Variants in HSPH1 observed in about 807,000 individuals in gnomAD.
HSPH1 encodes the protein heat shock protein family H (Hsp110) member 1.
In HSPH1, 40 loss-of-function variants were observed where a neutral mutation model predicts 100.0. The ratio of observed to expected loss-of-function variants is 0.40; its 90% CI spans 0.31 to 0.52. The LOEUF is 0.52. Among genes scored for constraint, HSPH1 ranks in the 20% least tolerant of loss-of-function variants. HSPH1 has a pLI of 0.54. For synonymous variants in HSPH1, 403 were observed against 344.0 expected (o/e 1.17, Z -1.90); for missense variants, 876 against 1,015.1 (o/e 0.86, Z 1.86).
rs866818066 is a variant in HSPH1 at position 31,149,947 on chromosome 13, A to G, written c.1137+7T>C. ...TACACCAAGCAAAAGCAGAGTTGAG[A>G]AAGTACCTGTAATGCACATCCTCTG... On this transcript the variant is annotated splice_region_variant and intron_variant, in intron 8 of 17. Coordinates refer to ENST00000320027, the MANE Select transcript of HSPH1 (RefSeq NM_006644.4). The G allele has an allele frequency of 2.5e-6, 4 of 1,608,446 alleles. No homozygotes were observed. The highest frequency in any genetic ancestry group is 1.7e-5 in the Admixed American group (1 of 59,930).
chr13:31,156,207 G>A (rs1314448356), intron 2 of HSPH1, among the ~76,000 whole-genome samples: 5 of 152,124 alleles, frequency 3.3e-5, no homozygotes, highest in South Asian at 2.1e-4. Context: ...TGGCTAACAC[G>A]GTGAAACCCC....
chr13:31,155,752 A>T, intron 2 of HSPH1, 98 bp from the exon 3 acceptor site: 1 of 992,402 alleles, frequency 1.0e-6, no homozygotes, highest in Non-Finnish European at 1.5e-6. Context: ...ACTCAAACCA[A>T]TCCTATGAGT....
intron 2 of HSPH1, among the ~76,000 whole-genome samples, chr13:31,155,881 C>A (rs757515399): frequency 6.6e-6 from 1 of 152,176 alleles, no homozygotes; most frequent in Non-Finnish European, 1.5e-5. Flanking sequence ...CAAGAGGGAA[C>A]AAGAGGCAAA....
chr13:31,149,088 A>C (rs1200879176), intron 8 of HSPH1, among the ~76,000 whole-genome samples: 3 of 152,170 alleles, frequency 2.0e-5, no homozygotes, highest in Non-Finnish European at 4.4e-5. Flanking sequence ...AGAGGCCAAA[A>C]TTAGCTCTAC....
chr13:31,142,984 T>C (rs776430073), intron 12 of HSPH1, among the ~76,000 whole-genome samples: 1 of 151,968 alleles, frequency 6.6e-6, no homozygotes, highest in Non-Finnish European at 1.5e-5. Context: ...GACAGAAAAA[T>C]TAAAAACTGG....
In HSPH1 at chr13:31,140,180, A is replaced by T. The variant is rs930331585; in HGVS notation, c.1980+4T>A. On this transcript the variant is annotated splice_donor_region_variant and intron_variant, in intron 14 of 17. Coordinates refer to ENST00000320027, the MANE Select transcript of HSPH1 (RefSeq NM_006644.4). Reference sequence around the variant, plus strand: ...CTGAACAAAAACAGAGCTCTAAGACATACCTGCTCACATATAAATTTTTCA... The same window carrying T: ...CTGAACAAAAACAGAGCTCTAAGACTTACCTGCTCACATATAAATTTTTCA... The T allele has an allele frequency of 6.2e-7, 1 of 1,609,702 alleles. No homozygotes were observed. Among genetic ancestry groups the T allele is most frequent in the African/African-American group, 1.3e-5 (1 of 74,900 alleles).
intron 13 of HSPH1, chr13:31,140,716 T>C (rs1956058035): frequency 5.8e-6 from 1 of 171,714 alleles, no homozygotes; most frequent in South Asian, 1.9e-4. Flanking sequence ...AGTTTATTGT[T>C]AAATAAACTC....
Position 31,155,754 on chromosome 13 carries a change from C to T in HSPH1, c.166-100G>A, listed in dbSNP as rs978014154. The stretch of plus-strand genomic sequence containing the variant: ...TATTCACTTTACAACTCAAACCAAT[C>T]CTATGAGTGCACATAAGTTGCCCTG... On this transcript the variant is annotated intron_variant, in intron 2 of 17. Transcript: ENST00000320027. The T allele has an allele frequency of 9.6e-6, 9 of 936,936 alleles. No homozygotes were observed. The South Asian group carries it at 1.3e-4, about 13-fold the overall frequency. The allele number at this position is 936,936 out of a possible 1,614,324, so 58.0% of individuals were successfully genotyped here.
chr13:31,144,521 T>C (rs140521497), intron 11 of HSPH1, among the ~76,000 whole-genome samples: 170 of 152,258 alleles, frequency 1.1e-3, no homozygotes, highest in Non-Finnish European at 1.9e-3. Context: ...TAATTAAAAA[T>C]TTGGTAAAGA....
At chr13:31,155,005 GC>G in intron 3 of HSPH1, among the ~76,000 whole-genome samples, 1 of 152,124 alleles carries the variant, frequency 6.6e-6, no homozygotes, top group East Asian at 1.9e-4. Context: ...GCGGAAGAAA[GC>G]TAGGGCAGAT....
chr13:31,148,501 T>C (rs1459777126), intron 8 of HSPH1, 21 bp from the exon 9 acceptor site: 2 of 789,332 alleles, frequency 2.5e-6, no homozygotes, highest in South Asian at 2.1e-5. Flanking sequence ...AAAAAAAAAA[T>C]CATGAGCACA....
intron 12 of HSPH1, 151 bp downstream of exon 12, chr13:31,143,641 T>C (rs1279913464): frequency 3.0e-6 from 2 of 660,358 alleles, no homozygotes; most frequent in Non-Finnish European, 2.4e-6. Context: ...TAACTGGTTT[T>C]AGTTGAAAAA....
At position 31,144,494 on chromosome 13, in the gene HSPH1, C is replaced by G. The variant is rs7981866; in HGVS notation, c.1585-571G>C. On this transcript the variant is annotated intron_variant, in intron 11 of 17. Transcript: ENST00000320027. ...AAGATCTCAGAGTAAAGAATAAATGCTACACATTAACAATCCTAATTAAAA... is the reference window on the plus strand; with the variant it reads ...AAGATCTCAGAGTAAAGAATAAATGGTACACATTAACAATCCTAATTAAAA... Among the ~76,000 whole-genome samples, 837 of 152,240 alleles carry G rather than the reference C, an allele frequency of 5.5e-3. 6 individuals carry two copies. The highest frequency in any genetic ancestry group is 0.018 in the African/African-American group (767 of 41,540).
At chr13:31,138,133 T>C (rs1955953398) in intron 17 of HSPH1, among the ~76,000 whole-genome samples, 1 of 152,140 alleles carries the variant, frequency 6.6e-6, no homozygotes, top group South Asian at 2.1e-4. Flanking sequence ...GACTACACTT[T>C]GCACACTTGT....
At chr13:31,151,795 T>C in intron 5 of HSPH1, 53 bp from the exon 6 acceptor site, 1 of 1,494,510 alleles carries the variant, frequency 6.7e-7, no homozygotes, top group Non-Finnish European at 9.1e-7. Context: ...CTTAGGAATC[T>C]CACTGTTACA....
intron 12 of HSPH1, 147 bp downstream of exon 12, chr13:31,143,645 T>G (rs554912167): frequency 1.4e-6 from 1 of 711,280 alleles, no homozygotes; most frequent in Non-Finnish European, 2.1e-6. Context: ...TGGTTTTAGT[T>G]GAAAAATACA....
intron 5 of HSPH1, chr13:31,151,999 G>C (rs1410562664): frequency 2.8e-6 from 1 of 358,406 alleles, no homozygotes; most frequent in African/African-American, 2.1e-5. Flanking sequence ...CGTGAATACA[G>C]TGAAACATAA....
intron 12 of HSPH1, among the ~76,000 whole-genome samples, chr13:31,141,683 A>G (rs547172225): frequency 6.6e-6 from 1 of 152,050 alleles, no homozygotes; most frequent in African/African-American, 2.4e-5. Context: ...CTGTAATATT[A>G]AAGGCCCTAT....
At position 31,155,640 on chromosome 13, in the gene HSPH1, T is replaced by C. The variant is rs113062016; in HGVS notation, c.180A>G (p.Ala60=). ...TTTTGAAGTTAGACACCGTATTGTT[T>C]GCATGAGTGATTTGCTGCAAAAAGA... ...VAAKNQQITH[A]NNTVSNFKRF... is the part of the protein sequence containing the mutation. Residue 60 remains alanine (A), a synonymous_variant, in exon 3 of 18, where the codon GCA becomes GCG. Transcript: ENST00000320027. 1.1e-5 allele frequency: 18 copies of C among 1,597,602 alleles called. No homozygotes were observed. The African/African-American group carries it at 1.3e-4, about 12-fold the overall frequency.
Sources: allele counts gnomAD v4.1 joint callset (sites outside exome capture counted in the v4.1 genomes callset), GRCh38; gene constraint gnomAD v4.1.1; transcripts MANE v1.5; gene names NCBI Gene and HGNC (gene_info 2026-07-23, HGNC 2026-07-21).